FNDC3B: variants seen among roughly 807,000 people sequenced by gnomAD.
FNDC3B encodes fibronectin type III domain containing 3B.
A neutral mutation model predicts 151.5 loss-of-function variants in FNDC3B; 12 were observed. The ratio of observed to expected loss-of-function variants is 0.08; its 90% CI spans 0.05 to 0.13. The LOEUF (loss-of-function observed/expected upper bound fraction) is 0.13. FNDC3B is among the 10% of genes least tolerant of loss of function. The pLI, the probability that FNDC3B is intolerant of heterozygous loss-of-function variation, is 1.00. For missense variants in FNDC3B, 1,214 were observed against 1,505.3 expected (o/e 0.81, Z 3.20); for synonymous variants, 528 against 549.0 (o/e 0.96, Z 0.54).
chr3:172,060,404 G>A (rs1002860355), intron 1 of FNDC3B, among the ~76,000 whole-genome samples: 3 of 152,066 alleles, frequency 2.0e-5, no homozygotes, highest in Admixed American at 6.6e-5. Context: ...GCTTTTCTCT[G>A]TCTTCCCTAG....
chr3:172,149,968 G>A (rs910994672), intron 3 of FNDC3B, among the ~76,000 whole-genome samples: 7 of 151,704 alleles, frequency 4.6e-5, no homozygotes, highest in African/African-American at 1.7e-4. Context: ...TCAGGTGCCC[G>A]TCACCGTGCC....
At chr3:172,177,953 C>T (rs1212081331) in intron 3 of FNDC3B, among the ~76,000 whole-genome samples, 1 of 151,994 alleles carries the variant, frequency 6.6e-6, no homozygotes, top group Non-Finnish European at 1.5e-5. Flanking sequence ...ATGCAGTGTT[C>T]GGTTGTCTGT....
intron 23 of FNDC3B, among the ~76,000 whole-genome samples, chr3:172,365,388 C>T (rs192125150): frequency 3.3e-5 from 5 of 152,140 alleles, no homozygotes; most frequent in African/African-American, 9.7e-5. Context: ...TGATATATCC[C>T]GCTTGTGGCC....
chr3:172,127,645 C>CT (rs984402959), intron 2 of FNDC3B, among the ~76,000 whole-genome samples: 7 of 151,928 alleles, frequency 4.6e-5, no homozygotes, highest in East Asian at 3.9e-4. Context: ...GAGGATACAG[C>CT]TTTTTTTTAA....
intron 1 of FNDC3B, among the ~76,000 whole-genome samples, chr3:172,109,367 C>T (rs1024084533): frequency 1.1e-4 from 17 of 151,878 alleles, no homozygotes; most frequent in South Asian, 6.2e-4. Context: ...GGGGTTTCAC[C>T]GTTTTAGCCG....
intron 10 of FNDC3B, among the ~76,000 whole-genome samples, chr3:172,308,032 C>G (rs1240572936): frequency 6.6e-6 from 1 of 152,096 alleles, no homozygotes; most frequent in Non-Finnish European, 1.5e-5. Flanking sequence ...AAGAAAGATT[C>G]AGAGATAAAG....
At chr3:172,311,586 G>T (rs1731493475) in intron 11 of FNDC3B, among the ~76,000 whole-genome samples, 1 of 151,924 alleles carries the variant, frequency 6.6e-6, no homozygotes, top group African/African-American at 2.4e-5. Flanking sequence ...GCAACTGTAG[G>T]TCGGGCGCGA....
At chr3:172,379,209 C>T (rs1315237316) in intron 24 of FNDC3B, among the ~76,000 whole-genome samples, 1 of 152,234 alleles carries the variant, frequency 6.6e-6, no homozygotes, top group African/African-American at 2.4e-5. Flanking sequence ...CTCCTGAGGC[C>T]CTGCCTCATC....
In FNDC3B at chr3:172,270,360, A is replaced by G. The variant is rs573900045; in HGVS notation, c.791-15566A>G. Among the ~76,000 whole-genome samples, 11 of 152,330 alleles carry G rather than the reference A, an allele frequency of 7.2e-5. No individual in the cohort carries two copies. The South Asian group carries it at 2.3e-3, about 32-fold the overall frequency. On this transcript the variant is annotated intron_variant, in intron 6 of 25. Coordinates refer to ENST00000415807, the MANE Select transcript of FNDC3B (RefSeq NM_022763.4). The stretch of plus-strand genomic sequence containing the variant: ...GAACTTAGCATACAGTGCAAACTCT[A>G]CTATGGCTGCTGCCTGATGCGCCTT...
chr3:172,198,294 A>G lies in FNDC3B; in HGVS notation c.188-28577A>G, dbSNP rs931185157. 3.3e-5 allele frequency among the ~76,000 whole-genome samples: 5 copies of G among 152,288 alleles called. No individual in the cohort carries two copies. In the South Asian group the frequency reaches 6.2e-4, roughly 19 times the overall value. On this transcript the variant is annotated intron_variant, in intron 3 of 25. Transcript: ENST00000415807. ...TGGGGGGGTACATGTGCCTGTTAGT[A>G]TTGCAGTTGTGCCTCTCCAAAACTC...
chr3:172,139,648 A>C (rs1291100183), intron 3 of FNDC3B, among the ~76,000 whole-genome samples: 1 of 152,172 alleles, frequency 6.6e-6, no homozygotes, highest in African/African-American at 2.4e-5. Context: ...TTATTTGACT[A>C]TTTGTAAAAT....
intron 3 of FNDC3B, among the ~76,000 whole-genome samples, chr3:172,141,585 C>T (rs910288197): frequency 6.6e-6 from 1 of 152,192 alleles, no homozygotes; most frequent in African/African-American, 2.4e-5. Context: ...CCTGTAATCC[C>T]GACACTTTGG....
At chr3:172,139,853 C>T (rs540468144) in intron 3 of FNDC3B, among the ~76,000 whole-genome samples, 13 of 151,820 alleles carry the variant, frequency 8.6e-5, no homozygotes, top group Admixed American at 7.2e-4. Flanking sequence ...TGTAGTGGCA[C>T]GATCAGATCA....
chr3:172,276,696 G>A (rs1049015523), intron 6 of FNDC3B, among the ~76,000 whole-genome samples: 7 of 152,198 alleles, frequency 4.6e-5, no homozygotes, highest in African/African-American at 1.7e-4. Flanking sequence ...CATACGATGG[G>A]AAGTATATCT....
chr3:172,352,907 G>A lies in FNDC3B; in HGVS notation c.2619G>A (p.Glu873=). ...PVSTLCVLEE[E]PLDAYPDSPS... ...CCACTCTCTGTGTCCTGGAGGAGGA[G>A]CCCCTTGATGCCTACCCTGATTCAC... The change falls in exon 22 of 26, where the codon GAG becomes GAA. Residue 873 remains glutamate, a synonymous_variant. Coordinates refer to ENST00000415807, the MANE Select transcript of FNDC3B (RefSeq NM_022763.4). The surrounding 1 kb of genome is among the most constrained non-coding windows in gnomAD (Gnocchi z 4.2). 6.2e-7 allele frequency: 1 copy of A among 1,614,192 alleles called. No individual in the cohort carries two copies.
intron 2 of FNDC3B, among the ~76,000 whole-genome samples, chr3:172,117,716 T>A (rs1460914807): frequency 6.6e-6 from 1 of 152,358 alleles, no homozygotes; most frequent in Admixed American, 6.5e-5. Flanking sequence ...CAATTCCTAG[T>A]GGAACTGGAT....
intron 10 of FNDC3B, among the ~76,000 whole-genome samples, chr3:172,309,449 TGAGTTCTCATCTTAGAGA>T (rs1011832307): frequency 3.3e-5 from 5 of 151,910 alleles, no homozygotes; most frequent in African/African-American, 4.8e-5. Context: ...AGTTTTTTTT[TGAGTTCTCATCTTAGAGA>T]TGGGTTCTCA....
chr3:172,258,954 G>A (rs2108786488), intron 6 of FNDC3B, among the ~76,000 whole-genome samples: 1 of 152,288 alleles, frequency 6.6e-6, no homozygotes, highest in South Asian at 2.1e-4. Flanking sequence ...TTGGAAGGCT[G>A]GAGTTGGCAG....
intron 11 of FNDC3B, among the ~76,000 whole-genome samples, chr3:172,312,122 C>G (rs1249299297): frequency 1.3e-5 from 2 of 151,976 alleles, no homozygotes; most frequent in African/African-American, 4.8e-5. Context: ...ATATTTTAAC[C>G]AAATGTAAAA....
Sources: gnomAD v4.1 joint callset for allele counts (sites outside exome capture counted in the v4.1 genomes callset) on GRCh38, gnomAD v4.1.1 for gene constraint, Gnocchi (gnomAD v3.1) non-coding constraint, MANE v1.5 for transcripts, NCBI Gene and HGNC (gene_info 2026-07-23, HGNC 2026-07-21) for gene names.